PIBF1: variants seen among roughly 807,000 people sequenced by gnomAD.
The protein encoded by PIBF1 is progesterone-induced-blocking factor 1.
In PIBF1, 90 loss-of-function variants were observed where a neutral mutation model predicts 112.5. The ratio of observed to expected loss-of-function variants is 0.80; its 90% CI spans 0.67 to 0.95. The LOEUF is 0.95. Ranked by LOEUF, PIBF1 falls within the 40% of genes least tolerant of loss-of-function variation. The pLI is 0.00. For missense variants in PIBF1, 915 were observed against 852.3 expected (o/e 1.07, Z -0.92); for synonymous variants, 301 against 288.6 (o/e 1.04, Z -0.44).
intron 12 of PIBF1, among the ~76,000 whole-genome samples, chr13:72,915,147 C>A (rs1432070063): frequency 4.0e-5 from 6 of 151,786 alleles, no homozygotes; most frequent in Admixed American, 3.9e-4. Flanking sequence ...ATGTTATATG[C>A]AGATATATAT....
chr13:72,973,692 G>T lies in PIBF1; in HGVS notation c.2049+17G>T. 3 of 1,374,978 alleles carry T rather than the reference G, an allele frequency of 2.2e-6. No individual in the cohort carries two copies. The highest frequency in any genetic ancestry group is 3.1e-6 in the Non-Finnish European group (3 of 980,248). The allele number at this position is 1,374,978 out of a possible 1,614,324, so 85.2% of individuals were successfully genotyped here. A position where few individuals can be genotyped will look rare whatever the true frequency, so the allele number is the denominator to read the frequency against. ...CATCGTGAGGTATTTTTCCTATTTT[G>T]TCATAATTGTAATCATTTTAGGCTT... is the stretch of plus-strand genomic sequence containing the variant. On this transcript the variant is annotated intron_variant, in intron 16 of 17. Coordinates refer to ENST00000326291, the MANE Select transcript of PIBF1 (RefSeq NM_006346.4).
At chr13:72,996,649 G>A (rs1032704731) in intron 16 of PIBF1, among the ~76,000 whole-genome samples, 2 of 152,074 alleles carry the variant, frequency 1.3e-5, no homozygotes, top group African/African-American at 2.4e-5. Context: ...TTAGCTGGGT[G>A]TGGGGGAATG....
At chr13:72,853,163 G>A (rs1367446964) in intron 9 of PIBF1, among the ~76,000 whole-genome samples, 3 of 151,924 alleles carry the variant, frequency 2.0e-5, no homozygotes, top group Non-Finnish European at 4.4e-5. Flanking sequence ...ATCTTTGGAA[G>A]CTCATGGCTA....
intron 4 of PIBF1, 99 bp from the exon 5 acceptor site, chr13:72,797,808 A>G: frequency 1.2e-6 from 1 of 865,122 alleles, no homozygotes; most frequent in South Asian, 2.1e-5. Flanking sequence ...TAGTTTTGTA[A>G]ATATTTATCT....
intron 14 of PIBF1, among the ~76,000 whole-genome samples, chr13:72,953,730 A>C (rs2042365898): frequency 6.6e-6 from 1 of 152,048 alleles, no homozygotes; most frequent in African/African-American, 2.4e-5. Flanking sequence ...CTCCTTCCTG[A>C]GTGCTGTGTT....
chr13:72,965,159 T>A, intron 14 of PIBF1, 115 bp from the exon 15 acceptor site: 2 of 908,756 alleles, frequency 2.2e-6, no homozygotes, highest in South Asian at 1.5e-5. Context: ...GGAAAAGCTT[T>A]TCAGAATAAT....
Position 72,853,505 on chromosome 13 carries a change from G to C in PIBF1, c.1224-552G>C, listed in dbSNP as rs1288885409. On this transcript the variant is annotated intron_variant, in intron 9 of 17. Coordinates refer to ENST00000326291, the MANE Select transcript of PIBF1 (RefSeq NM_006346.4). ...CAACTATTACACTTTGACTTAATCT[G>C]TCATATCTTATCAGGACCTCTAATT... Among the ~76,000 whole-genome samples, 5 of 152,114 alleles carry C rather than the reference G, an allele frequency of 3.3e-5. No homozygotes were observed. The East Asian group carries it at 9.6e-4, about 29-fold the overall frequency.
intron 9 of PIBF1, among the ~76,000 whole-genome samples, chr13:72,851,251 C>T (rs1222642414): frequency 1.3e-5 from 2 of 152,186 alleles, no homozygotes; most frequent in Non-Finnish European, 2.9e-5. Flanking sequence ...AGCTGCGGAC[C>T]CAGGCATTCC....
At chr13:72,863,485 A>G (rs566587427) in intron 10 of PIBF1, among the ~76,000 whole-genome samples, 47 of 143,674 alleles carry the variant, frequency 3.3e-4, no homozygotes, top group African/African-American at 1.2e-3. Context: ...CCCCATCTCT[A>G]CTAAAAATGA....
At chr13:72,790,466 T>C (rs867114949) in intron 2 of PIBF1, among the ~76,000 whole-genome samples, 3 of 96,068 alleles carry the variant, frequency 3.1e-5, no homozygotes, top group African/African-American at 4.2e-5. Context: ...CACACACACT[T>C]ATAGATAGAT....
chr13:72,884,348 C>G (rs1021751437), intron 10 of PIBF1: 1 of 152,130 alleles, frequency 6.6e-6, no homozygotes, highest in Non-Finnish European at 1.5e-5. Context: ...TCGCAAGCCT[C>G]TCACAACCCA....
chr13:72,986,561 C>G (rs1435597775), intron 16 of PIBF1, among the ~76,000 whole-genome samples: 1 of 152,026 alleles, frequency 6.6e-6, no homozygotes, highest in Non-Finnish European at 1.5e-5. Context: ...TAGTTATGTC[C>G]CGGAGGCTGT....
intron 14 of PIBF1, among the ~76,000 whole-genome samples, chr13:72,962,705 C>G (rs144459862): frequency 6.6e-6 from 1 of 152,172 alleles, no homozygotes; most frequent in African/African-American, 2.4e-5. Flanking sequence ...GATAATACTA[C>G]CCAAAACATT....
At chr13:72,918,513 A>C (rs1286567636) in intron 13 of PIBF1, among the ~76,000 whole-genome samples, 1 of 146,156 alleles carries the variant, frequency 6.8e-6, no homozygotes, top group African/African-American at 2.6e-5. Context: ...TCAGTCTCCC[A>C]AGTAGCTGGG....
chr13:72,947,424 T>C (rs1425832201), intron 14 of PIBF1, among the ~76,000 whole-genome samples: 1 of 152,214 alleles, frequency 6.6e-6, no homozygotes, highest in Non-Finnish European at 1.5e-5. Flanking sequence ...GAGGGGCTGC[T>C]GTGAAGGTCT....
At chr13:72,855,658 T>A (rs2038390308) in intron 10 of PIBF1, among the ~76,000 whole-genome samples, 1 of 151,960 alleles carries the variant, frequency 6.6e-6, no homozygotes, top group Non-Finnish European at 1.5e-5. Flanking sequence ...CAAAAAAAAT[T>A]TTTTTAGTTT....
chr13:72,965,167 A>G, intron 14 of PIBF1, 107 bp from the exon 15 acceptor site: 1 of 978,664 alleles, frequency 1.0e-6, no homozygotes, highest in Middle Eastern at 2.1e-4. Context: ...TTTTCAGAAT[A>G]ATTCATGTCA....
At chr13:72,798,584 C>T (rs2035309530) in intron 5 of PIBF1, among the ~76,000 whole-genome samples, 1 of 152,146 alleles carries the variant, frequency 6.6e-6, no homozygotes, top group African/African-American at 2.4e-5. Flanking sequence ...AAAATTATCT[C>T]AGCCTAGACG....
At chr13:72,913,547 G>T (rs1375201806) in intron 12 of PIBF1, among the ~76,000 whole-genome samples, 1 of 152,124 alleles carries the variant, frequency 6.6e-6, no homozygotes, top group African/African-American at 2.4e-5. Context: ...GGAGACCAAG[G>T]CAGGACGATT....
Sources: allele counts gnomAD v4.1 joint callset (sites outside exome capture counted in the v4.1 genomes callset), GRCh38; gene constraint gnomAD v4.1.1; transcripts MANE v1.5; gene names NCBI Gene and HGNC (gene_info 2026-07-23, HGNC 2026-07-21).